Variants in JARID2 observed in about 807,000 individuals in gnomAD.
JARID2 encodes the protein jumonji and AT-rich interaction domain containing 2.
In JARID2, 21 loss-of-function variants were observed where a neutral mutation model predicts 125.6. That is an observed-to-expected ratio of 0.17 (90% confidence interval 0.12 to 0.24). The LOEUF is 0.24. Ranked by LOEUF, JARID2 falls within the 10% of genes least tolerant of loss-of-function variation. JARID2 has a pLI of 1.00. For missense variants in JARID2, 1,303 were observed against 1,639.6 expected (o/e 0.79, Z 3.55); for synonymous variants, 736 against 661.6 (o/e 1.11, Z -1.73).
chr6:15,292,147 G>A (rs1761241548), intron 1 of JARID2, among the ~76,000 whole-genome samples: 1 of 151,874 alleles, frequency 6.6e-6, no homozygotes, highest in Non-Finnish European at 1.5e-5. Context: ...CTCCCGAGTA[G>A]CTGGGACCAC....
chr6:15,457,104 T>C (rs1768219339), intron 4 of JARID2, among the ~76,000 whole-genome samples: 2 of 152,176 alleles, frequency 1.3e-5, no homozygotes, highest in South Asian at 2.1e-4. Context: ...CATTATACTT[T>C]CGTTTTTGCA....
At chr6:15,349,372 G>C (rs1489227170) in intron 1 of JARID2, among the ~76,000 whole-genome samples, 1 of 152,174 alleles carries the variant, frequency 6.6e-6, no homozygotes, top group Non-Finnish European at 1.5e-5. Context: ...GCCCTAATTA[G>C]TTACGTGTGT....
chr6:15,295,123 C>CTTT (rs60419870), intron 1 of JARID2, among the ~76,000 whole-genome samples: 122 of 129,454 alleles, frequency 9.4e-4, no homozygotes, highest in Middle Eastern at 4.3e-3. Context: ...TTTTTTCTTT[C>CTTT]TTTTTTTTTT....
Position 15,506,216 on chromosome 6 carries a change from C to T in JARID2, c.2542-920C>T, listed in dbSNP as rs970729082. Among the ~76,000 whole-genome samples, 5 of 152,194 alleles carry T rather than the reference C, an allele frequency of 3.3e-5. No individual in the cohort carries two copies. The East Asian group carries it at 9.6e-4, about 29-fold the overall frequency. ...AGTTGGCCACCACCTGGGAGCAGTCCCTTGCTTCCCTTCCCATGTCTTTAC... is the reference window on the plus strand; with the variant it reads ...AGTTGGCCACCACCTGGGAGCAGTCTCTTGCTTCCCTTCCCATGTCTTTAC... On this transcript the variant is annotated intron_variant, in intron 9 of 17. Transcript: ENST00000341776.
chr6:15,452,217 A>G (rs890011144), intron 4 of JARID2, 42 bp downstream of exon 4: 4 of 1,607,934 alleles, frequency 2.5e-6, no homozygotes, highest in South Asian at 1.1e-5. Context: ...CGTGGAATCT[A>G]CATGTAAGCC....
chr6:15,450,358 C>A (rs965269785), intron 3 of JARID2, among the ~76,000 whole-genome samples: 4 of 152,012 alleles, frequency 2.6e-5, no homozygotes. Flanking sequence ...TTAGTAGAGA[C>A]GGGGTTTCAC....
chr6:15,319,919 A>AAGTTC (rs1456273529), intron 1 of JARID2, among the ~76,000 whole-genome samples: 1 of 152,208 alleles, frequency 6.6e-6, no homozygotes, highest in African/African-American at 2.4e-5. Context: ...GATTTCAGAG[A>AAGTTC]AGTTCAGCCC....
chr6:15,452,679 G>T lies in JARID2; in HGVS notation c.493+504G>T, dbSNP rs149626236. ...TGGTACTTTCAGAGTCTAATTGACA[G>T]TGCAAATACTGGTCCATGTTTCAAC... On this transcript the variant is annotated intron_variant, in intron 4 of 17. Transcript: ENST00000341776. Among the ~76,000 whole-genome samples, 26 of 152,344 alleles carry T rather than the reference G, an allele frequency of 1.7e-4. No individual in the cohort carries two copies. The East Asian group carries it at 5.0e-3, about 29-fold the overall frequency.
intron 3 of JARID2, among the ~76,000 whole-genome samples, chr6:15,412,751 G>A (rs1765935354): frequency 6.6e-6 from 1 of 152,164 alleles, no homozygotes; most frequent in African/African-American, 2.4e-5. Context: ...AATGACTTGG[G>A]ACCTGAATTT....
intron 2 of JARID2, among the ~76,000 whole-genome samples, chr6:15,398,827 G>A (rs979347827): frequency 2.6e-5 from 4 of 152,154 alleles, no homozygotes; most frequent in Admixed American, 1.3e-4. Context: ...AACTGGGGGT[G>A]TTCAGGAAAA....
chr6:15,251,374 C>T (rs1010430674), intron 1 of JARID2, among the ~76,000 whole-genome samples: 10 of 152,326 alleles, frequency 6.6e-5, no homozygotes, highest in Admixed American at 2.6e-4. Flanking sequence ...AGGACTCACA[C>T]TCCTGACATT....
At chr6:15,353,852 G>A (rs558377077) in intron 1 of JARID2, among the ~76,000 whole-genome samples, 1 of 152,312 alleles carries the variant, frequency 6.6e-6, no homozygotes, top group South Asian at 2.1e-4. Context: ...CCACTCAGGT[G>A]TTCATACTTC....
chr6:15,407,453 G>A (rs1324892912), intron 2 of JARID2, among the ~76,000 whole-genome samples: 1 of 151,598 alleles, frequency 6.6e-6, no homozygotes, highest in Non-Finnish European at 1.5e-5. Flanking sequence ...TCATCAAAAA[G>A]CTTAACTTTC....
At chr6:15,384,613 A>G (rs1764713027) in intron 2 of JARID2, among the ~76,000 whole-genome samples, 1 of 152,010 alleles carries the variant, frequency 6.6e-6, no homozygotes, top group Non-Finnish European at 1.5e-5. Context: ...ATTTAGAGAC[A>G]GTGTCTTGCT....
chr6:15,476,103 C>G (rs1769330349), intron 5 of JARID2, among the ~76,000 whole-genome samples: 1 of 152,184 alleles, frequency 6.6e-6, no homozygotes, highest in Non-Finnish European at 1.5e-5. Context: ...CATCTGTATC[C>G]TCCCCAGAGG....
At position 15,520,083 on chromosome 6, in the gene JARID2, T is replaced by C. The variant is rs1460259658; in HGVS notation, c.3573T>C (p.Ser1191=). The C allele has an allele frequency of 8.1e-6, 13 of 1,612,314 alleles. No individual in the cohort carries two copies. In the East Asian group the frequency reaches 2.9e-4, roughly 36 times the overall value. Residue 1191 remains serine, a synonymous_variant, in exon 18 of 18, where the codon AGT becomes AGC. Transcript: ENST00000341776. ...CCCCCAAACAGGAACAGATTATCAG[T>C]CTGGTCAATCAGATCTGCGGCAAAG... ...MYRYDEEQII[S]LVNQICGKVS...
At position 15,496,863 on chromosome 6, in the gene JARID2, C is replaced by T. The variant is rs1325030796; in HGVS notation, c.1638C>T (p.Gly546=). The T allele has an allele frequency of 3.1e-6, 5 of 1,600,390 alleles. No homozygotes were observed. Among genetic ancestry groups the T allele is most frequent in the Middle Eastern group, 1.7e-4 (1 of 6,016 alleles). Reference sequence around the variant, plus strand: ...ACTCGGGCAAGGCCGAGAAGGGCGGCGGCAAGGCCGGGTGGGCGGCCATGG... The same window carrying T: ...ACTCGGGCAAGGCCGAGAAGGGCGGTGGCAAGGCCGGGTGGGCGGCCATGG... ...PQDSGKAEKG[G]GKAGWAAMDE... Residue 546 remains glycine (G), a synonymous_variant, in exon 7 of 18, where the codon GGC becomes GGT. Transcript: ENST00000341776.
intron 1 of JARID2, 41 bp downstream of exon 1, chr6:15,246,625 A>C: frequency 6.6e-7 from 1 of 1,507,594 alleles, no homozygotes; most frequent in Non-Finnish European, 9.2e-7. Context: ...TTGCAGTTTT[A>C]AGCAATGGCT....
In JARID2 at chr6:15,511,601, G is replaced by T. The variant is rs560306952; in HGVS notation, c.2952+200G>T. 8.5e-5 allele frequency among the ~76,000 whole-genome samples: 13 copies of T among 152,312 alleles called. No homozygotes were observed. The East Asian group carries it at 2.5e-3, about 29-fold the overall frequency. On this transcript the variant is annotated intron_variant, in intron 13 of 17. Coordinates refer to ENST00000341776, the MANE Select transcript of JARID2 (RefSeq NM_004973.4). ...GCACAGGGCGCTGGGGTTTTGCACG[G>T]CCTTTGCATCTGTTTTGGGGCTTGT... is the stretch of plus-strand genomic sequence containing the variant.
Sources: gnomAD v4.1 joint callset for allele counts (sites outside exome capture counted in the v4.1 genomes callset) on GRCh38, gnomAD v4.1.1 for gene constraint, MANE v1.5 for transcripts, NCBI Gene and HGNC (gene_info 2026-07-23, HGNC 2026-07-21) for gene names.